Variants in NR5A2 observed in about 807,000 individuals in gnomAD.
The protein encoded by NR5A2 is CYP7A promoter-binding factor.
NR5A2 carries 26 observed loss-of-function variants against 62.7 expected under a neutral mutation model. The ratio of observed to expected loss-of-function variants is 0.41; its 90% CI spans 0.30 to 0.58. The LOEUF (loss-of-function observed/expected upper bound fraction) is 0.58. Ranked by LOEUF, NR5A2 falls within the 20% of genes least tolerant of loss-of-function variation. The pLI is 0.22. For synonymous variants in NR5A2, 246 were observed against 241.7 expected, an observed-to-expected ratio of 1.02 and a Z score of -0.16; for missense variants, 541 against 669.1, an observed-to-expected ratio of 0.81 and a Z score of 2.11.
chr1:200,169,182 C>T (rs1411770683), intron 7 of NR5A2, among the ~76,000 whole-genome samples: 1 of 151,752 alleles, frequency 6.6e-6, no homozygotes, highest in Non-Finnish European at 1.5e-5. Flanking sequence ...GCTTTTCTGC[C>T]TGGGTGACAG....
rs1255828429 is a variant in NR5A2 at position 200,039,517 on chromosome 1, G to C, written c.65-141G>C. 1.9e-5 allele frequency: 23 copies of C among 1,189,640 alleles called. No homozygotes were observed. The highest frequency in any genetic ancestry group is 2.5e-5 in the Non-Finnish European group (21 of 845,024). 73.7% of individuals were successfully genotyped at this position (1,189,640 alleles called of 1,614,324 possible). On this transcript the variant is annotated intron_variant, in intron 1 of 7. Transcript: ENST00000367362. This position sits in a 1 kb window ranked among gnomAD's most constrained non-coding sequence, Gnocchi z 5.1. ...GGGGCGGCTCCGGAGCTGCGAGACC[G>C]GACAGGGCTCAGAGGTCCTGCCCGG...
intron 5 of NR5A2, among the ~76,000 whole-genome samples, chr1:200,056,776 C>T (rs935992103): frequency 2.0e-5 from 3 of 152,094 alleles, no homozygotes; most frequent in Admixed American, 6.6e-5. Context: ...GCGTCCTGTT[C>T]GTATTAACCT....
intron 7 of NR5A2, among the ~76,000 whole-genome samples, chr1:200,140,999 C>G (rs1667420913): frequency 6.6e-6 from 1 of 151,694 alleles, no homozygotes; most frequent in Non-Finnish European, 1.5e-5. Context: ...CCATTGCACT[C>G]CAGCCTGGGC....
At chr1:200,173,935 GC>G (rs1275345451) in intron 7 of NR5A2, 27 bp from the exon 8 acceptor site, 27 of 1,072,886 alleles carry the variant, frequency 2.5e-5, no homozygotes, top group African/African-American at 1.1e-4. Flanking sequence ...TTGAAATGTT[GC>G]TTTTTTTTTT....
At chr1:200,117,807 G>A in intron 6 of NR5A2, among the ~76,000 whole-genome samples, 1 of 151,626 alleles carries the variant, frequency 6.6e-6, no homozygotes. Context: ...TCCGCCTCCT[G>A]GGTTCAAACG....
Position 200,048,953 on chromosome 1 carries a change from A to G in NR5A2, c.1110+135A>G, listed in dbSNP as rs943186531. On this transcript the variant is annotated intron_variant, in intron 5 of 7. Transcript: ENST00000367362. This position sits in a 1 kb window ranked among gnomAD's most constrained non-coding sequence, Gnocchi z 4.8. ...TTTGTATGATTTACAGAGTAGACGT[A>G]ATTTTATTACCTTGACTTCAGGACT... 1.1e-5 allele frequency: 12 copies of G among 1,128,308 alleles called. No homozygotes were observed. The South Asian group carries it at 1.6e-4, about 15-fold the overall frequency. 69.9% of individuals were successfully genotyped at this position (1,128,308 alleles called of 1,614,324 possible).
intron 7 of NR5A2, among the ~76,000 whole-genome samples, chr1:200,135,786 G>A (rs1667196813): frequency 6.6e-6 from 1 of 152,130 alleles, no homozygotes; most frequent in Non-Finnish European, 1.5e-5. Flanking sequence ...TTACCATAAT[G>A]GCTGGCACAT....
chr1:200,057,527 G>T, intron 5 of NR5A2: 1 of 270,814 alleles, frequency 3.7e-6, no homozygotes, highest in South Asian at 3.1e-5. Context: ...CGCCCAGTCT[G>T]GAGTGCAGTG....
At chr1:200,149,189 G>A (rs973602636) in intron 7 of NR5A2, among the ~76,000 whole-genome samples, 10 of 152,186 alleles carry the variant, frequency 6.6e-5, no homozygotes, top group African/African-American at 2.4e-4. Flanking sequence ...TGGGATTACA[G>A]GCATGAGCCA....
intron 7 of NR5A2, among the ~76,000 whole-genome samples, chr1:200,141,251 C>T (rs1030258509): frequency 1.3e-5 from 2 of 152,132 alleles, no homozygotes; most frequent in African/African-American, 2.4e-5. Flanking sequence ...GTTTCCTTTG[C>T]GCTAGCCCTT....
chr1:200,056,463 A>G (rs919894861), intron 5 of NR5A2, among the ~76,000 whole-genome samples: 13 of 152,088 alleles, frequency 8.5e-5, no homozygotes, highest in African/African-American at 3.1e-4. Flanking sequence ...ACACTTTAAA[A>G]TTCTCTTGTG....
At position 200,141,355 on chromosome 1, in the gene NR5A2, A is replaced by G. The variant is rs1667436790; in HGVS notation, c.1378+20400A>G. 2.0e-5 allele frequency among the ~76,000 whole-genome samples: 3 copies of G among 151,988 alleles called. No homozygotes were observed. In the South Asian group the frequency reaches 6.2e-4, roughly 31 times the overall value. On this transcript the variant is annotated intron_variant, in intron 7 of 7. Coordinates refer to ENST00000367362, the MANE Select transcript of NR5A2 (RefSeq NM_205860.3). ...TTTTGATATTTCAAGAATGTTATAT[A>G]AGTATATAGTATGTAACCTTTTGGA...
chr1:200,120,744 C>T (rs10494808), intron 6 of NR5A2, 64 bp from the exon 7 acceptor site: 610,965 of 1,445,166 alleles, frequency 0.42, 130,571 homozygotes, highest in Non-Finnish European at 0.44. Flanking sequence ...ATAGTTCTTA[C>T]GACTCAGGTG....
At chr1:200,133,005 TAC>T (rs749976670) in intron 7 of NR5A2, among the ~76,000 whole-genome samples, 6 of 152,204 alleles carry the variant, frequency 3.9e-5, no homozygotes, top group Non-Finnish European at 7.3e-5. Context: ...AAGTGACTTG[TAC>T]ACAGTCATGT....
At chr1:200,164,801 G>T (rs1653816327) in intron 7 of NR5A2, among the ~76,000 whole-genome samples, 1 of 150,178 alleles carries the variant, frequency 6.7e-6, no homozygotes, top group Non-Finnish European at 1.5e-5. Context: ...ACCCGCCTTG[G>T]CCTCTCAAAG....
chr1:200,148,859 T>A (rs1248190995), intron 7 of NR5A2, among the ~76,000 whole-genome samples: 2 of 151,976 alleles, frequency 1.3e-5, no homozygotes, highest in African/African-American at 4.8e-5. Flanking sequence ...TTTTTTCTTC[T>A]TCATCTTTTT....
At chr1:200,102,398 C>T (rs964727429) in intron 5 of NR5A2, among the ~76,000 whole-genome samples, 4 of 152,132 alleles carry the variant, frequency 2.6e-5, no homozygotes, top group Admixed American at 6.5e-5. Context: ...ACTTCCTGTA[C>T]TGAGTGACTC....
At chr1:200,045,623 C>A in intron 4 of NR5A2, 39 bp downstream of exon 4, 1 of 1,561,542 alleles carries the variant, frequency 6.4e-7, no homozygotes, top group South Asian at 1.2e-5. Context: ...TTAAAACTCT[C>A]CAAGGACATG....
At chr1:200,100,957 C>A (rs986388178) in intron 5 of NR5A2, among the ~76,000 whole-genome samples, 3 of 152,180 alleles carry the variant, frequency 2.0e-5, no homozygotes, top group African/African-American at 4.8e-5. Flanking sequence ...TGATCCTGAT[C>A]CTTGGCTTTG....
Sources: gnomAD v4.1 joint callset for allele counts (sites outside exome capture counted in the v4.1 genomes callset) on GRCh38, gnomAD v4.1.1 for gene constraint, Gnocchi (gnomAD v3.1) non-coding constraint, MANE v1.5 for transcripts, NCBI Gene and HGNC (gene_info 2026-07-23, HGNC 2026-07-21) for gene names.